The following FSIP2 variants were observed in gnomAD, a reference collection of about 807,000 sequenced individuals.
FSIP2 encodes the protein fibrous sheath-interacting protein 2.
Under a neutral mutation model 510.5 loss-of-function variants are expected in FSIP2, and 367 were observed. The ratio of observed to expected loss-of-function variants is 0.72; its 90% CI spans 0.66 to 0.78. FSIP2 has a LOEUF of 0.78. FSIP2 is among the 30% of genes least tolerant of loss of function. The pLI is 0.00. For synonymous variants in FSIP2, 2,601 were observed against 2,732.2 expected (o/e 0.95, Z 1.50); for missense variants, 7,594 against 7,901.7 (o/e 0.96, Z 1.48).
At position 185,814,045 on chromosome 2, in the gene FSIP2, A is replaced by G. The variant is rs1166497340; in HGVS notation, c.20325+3A>G. 1.2e-6 allele frequency: 2 copies of G among 1,607,796 alleles called. No individual in the cohort carries two copies. The highest frequency in any genetic ancestry group is 1.1e-5 in the South Asian group (1 of 90,258). ...GGGAGGAAAAGCCCCAGTGTAAGGT[A>G]AGTGATAAGCATGACTGTTAGTGAC... On this transcript the variant is annotated splice_donor_region_variant and intron_variant, in intron 18 of 22. Coordinates refer to ENST00000424728, the MANE Select transcript of FSIP2 (RefSeq NM_173651.4).
chr2:185,795,356 G>T lies in FSIP2; in HGVS notation c.8220G>T (p.Lys2740Asn). 6.5e-7 allele frequency: 1 copy of T among 1,534,668 alleles called. No individual in the cohort carries two copies. Among genetic ancestry groups the T allele is most frequent in the Non-Finnish European group, 8.7e-7 (1 of 1,146,096 alleles). The change falls in exon 16 of 23, where the codon AAG (lysine) becomes AAT (asparagine). Residue 2740 changes from lysine to asparagine, a missense_variant. By Grantham distance (94) the Lys-to-Asn change is moderately conservative. Coordinates refer to ENST00000424728, the MANE Select transcript of FSIP2 (RefSeq NM_173651.4). ...LPTSELKIYA[K>N]DIIINILETI... Reference sequence around the variant, plus strand: ...CTTCAGAACTAAAAATATATGCCAAGGATATAATAATTAACATCCTAGAAA... The same window carrying T: ...CTTCAGAACTAAAAATATATGCCAATGATATAATAATTAACATCCTAGAAA...
rs1164381970 is a variant in FSIP2 at position 185,738,933 on chromosome 2, A to T, written c.39A>T (p.Lys13Asn). The T allele has an allele frequency of 7.2e-6, 11 of 1,534,578 alleles. No individual in the cohort carries two copies. In the East Asian group the frequency reaches 1.7e-4, roughly 24 times the overall value. Residue 13 changes from lysine to asparagine, a missense_variant, in exon 1 of 23, where the codon AAA (lysine) becomes AAT (asparagine). Coordinates refer to ENST00000424728, the MANE Select transcript of FSIP2 (RefSeq NM_173651.4). The stretch of plus-strand genomic sequence containing the variant: ...TCGGCGCCTGCTCCAAGCCTGCCAA[A>T]GTCGCCGTCACCAAGACGGTCGCCA... ...LYLGACSKPA[K>N]VAVTKTVASV...
Position 185,795,027 on chromosome 2 carries a change from G to GACTT in FSIP2, c.7893_7896dup (p.Ile2633LeufsTer8), listed in dbSNP as rs1559029047. 1 of 1,533,834 alleles carries GACTT rather than the reference G, an allele frequency of 6.5e-7. No individual in the cohort carries two copies. The highest frequency in any genetic ancestry group is 1.4e-5 in the African/African-American group (1 of 72,918). ...ATATTTACCATTGCAAGTGAAGAAA[G>GACTT]ACTTAATTCAAATGGTTCTCAATAA... is the stretch of plus-strand genomic sequence containing the variant. On this transcript the variant is annotated frameshift_variant, in exon 16 of 23. Coordinates refer to ENST00000424728, the MANE Select transcript of FSIP2 (RefSeq NM_173651.4). LOFTEE classifies it high-confidence loss of function.
At position 185,747,420 on chromosome 2, in the gene FSIP2, G is replaced by A; in HGVS notation, c.867G>A (p.Arg289=). The A allele has an allele frequency of 1.3e-6, 2 of 1,496,828 alleles. No homozygotes were observed. Among genetic ancestry groups the A allele is most frequent in the Admixed American group, 2.0e-5 (1 of 50,868 alleles). The allele number at this position is 1,496,828 out of a possible 1,614,324, so 92.7% of individuals were successfully genotyped here. ...QQHRNREESD[R]KKQDLLEKKM... is the part of the protein sequence containing the mutation. ...ATAGAAACAGAGAAGAGAGTGACAG[G>A]AAGGTAGGGTGAGCTTTAACCTCTA... Residue 289 remains arginine, a synonymous_variant, in exon 7 of 23, where the codon AGG becomes AGA. Coordinates refer to ENST00000424728, the MANE Select transcript of FSIP2 (RefSeq NM_173651.4).
Position 185,815,426 on chromosome 2 carries a change from T to G in FSIP2, c.20381T>G (p.Met6794Arg). ...EPTHYFIHRI[M>R]SSSSYNQEDL... The stretch of plus-strand genomic sequence containing the variant: ...ACACATTACTTCATACACAGAATTA[T>G]GAGTTCATCTTCATACAACCAAGAA... Residue 6794 changes from methionine to arginine, a missense_variant, in exon 19 of 23, where the codon ATG (methionine) becomes AGG (arginine). Transcript: ENST00000424728. The G allele has an allele frequency of 3.9e-6, 6 of 1,535,358 alleles. No individual in the cohort carries two copies. Among genetic ancestry groups the G allele is most frequent in the Non-Finnish European group, 5.3e-6 (6 of 1,122,286 alleles).
chr2:185,828,217 G>C lies in FSIP2; in HGVS notation c.20517+18G>C, dbSNP rs1694048622. 7.0e-7 allele frequency: 1 copy of C among 1,425,744 alleles called. No homozygotes were observed. 88.3% of individuals were successfully genotyped at this position (1,425,744 alleles called of 1,614,324 possible). ...GTGTTAAGGTAAGTATTTTTAACTA[G>C]CCTTAGTTGATATATATTAGGAGCT... On this transcript the variant is annotated intron_variant, in intron 21 of 22. Coordinates refer to ENST00000424728, the MANE Select transcript of FSIP2 (RefSeq NM_173651.4).
Position 185,762,017 on chromosome 2 carries a change from G to C in FSIP2, c.1240G>C (p.Gly414Arg), listed in dbSNP as rs1164308191. Residue 414 changes from glycine to arginine, a missense_variant and splice_region_variant, in exon 11 of 23, where the codon GGA becomes CGA. Gly to Arg is a moderately radical substitution (Grantham distance 125). Transcript: ENST00000424728. The part of the protein sequence containing the change: ...SKNSSIFDDR[G>R]GINISGQGSI... ...AAACTCAAGTATTTTCGATGATAGAGGTAAGAAAATAAACAATAGTCATAA... is the reference window on the plus strand; with the variant it reads ...AAACTCAAGTATTTTCGATGATAGACGTAAGAAAATAAACAATAGTCATAA... The C allele has an allele frequency of 3.5e-6, 5 of 1,416,654 alleles. No homozygotes were observed. In the African/African-American group the frequency reaches 5.7e-5, roughly 16 times the overall value. The allele number at this position is 1,416,654 out of a possible 1,614,324, so 87.8% of individuals were successfully genotyped here. A position where few individuals can be genotyped will look rare whatever the true frequency, so the allele number is the denominator to read the frequency against.
Position 185,793,984 on chromosome 2 carries a change from C to A in FSIP2, c.6848C>A (p.Ser2283Ter), listed in dbSNP as rs1442089286. 2 of 1,532,114 alleles carry A rather than the reference C, an allele frequency of 1.3e-6. No individual in the cohort carries two copies. The highest frequency in any genetic ancestry group is 1.2e-5 in the South Asian group (1 of 83,486). The allele number at this position is 1,532,114 out of a possible 1,614,324, so 94.9% of individuals were successfully genotyped here. ...CTTGCTTTCCAAAGTAAAGAAAAGT[C>A]ATTTGTTATCCCAGAATTGGAAAAT... ...ITLAFQSKEK[S>*]FVIPELENCK... is the part of the protein sequence containing the mutation. The change falls in exon 16 of 23, where the codon TCA becomes TAA. Residue 2283 changes from serine (S) to a stop codon, truncating the protein, a stop_gained. Coordinates refer to ENST00000424728, the MANE Select transcript of FSIP2 (RefSeq NM_173651.4). LOFTEE classifies it high-confidence loss of function.
chr2:185,829,180 C>T (rs1694066865), intron 21 of FSIP2, among the ~76,000 whole-genome samples: 1 of 151,768 alleles, frequency 6.6e-6, no homozygotes, highest in Non-Finnish European at 1.5e-5. Context: ...ATCTGGACTC[C>T]TTCTGCTTTT....
In FSIP2 at chr2:185,803,961, G is replaced by C. The variant is rs1449766501; in HGVS notation, c.14655G>C (p.Lys4885Asn). ...NIYQSITKDK[K>N]SISDIPVSKI... ...ACCAGTCCATTACAAAAGATAAAAA[G>C]AGCATAAGTGACATACCTGTTTCAA... Residue 4885 changes from lysine (K) to asparagine (N), a missense_variant, in exon 17 of 23, where the codon AAG becomes AAC. Coordinates refer to ENST00000424728, the MANE Select transcript of FSIP2 (RefSeq NM_173651.4). 2 of 1,503,566 alleles carry C rather than the reference G, an allele frequency of 1.3e-6. No individual in the cohort carries two copies. The highest frequency in any genetic ancestry group is 1.8e-6 in the Non-Finnish European group (2 of 1,128,512). 93.1% of individuals were successfully genotyped at this position (1,503,566 alleles called of 1,614,324 possible).
At chr2:185,781,433 C>T (rs1207861027) in intron 13 of FSIP2, among the ~76,000 whole-genome samples, 1 of 152,134 alleles carries the variant, frequency 6.6e-6, no homozygotes, top group African/African-American at 2.4e-5. Flanking sequence ...ATATTTTCAG[C>T]TTATGATGGG....
At chr2:185,821,029 A>G (rs1396527152) in intron 19 of FSIP2, among the ~76,000 whole-genome samples, 13 of 144,376 alleles carry the variant, frequency 9.0e-5, no homozygotes, top group Middle Eastern at 3.5e-3. Context: ...AAAAAAAAAA[A>G]AAAAAAAAAT....
chr2:185,779,250 A>G (rs1692792047), intron 13 of FSIP2, among the ~76,000 whole-genome samples: 1 of 149,746 alleles, frequency 6.7e-6, no homozygotes, highest in African/African-American at 2.4e-5. Context: ...ATATATTTTT[A>G]TTTATTCTTT....
rs1255679963 is a variant in FSIP2 at position 185,808,351 on chromosome 2, G to C, written c.19045G>C (p.Glu6349Gln). ...TTTGACATTAGATGCCAAACTTTTA[G>C]AAGAGGTGTTGGCCTTGTTCTTGGC... The part of the protein sequence containing the change: ...KGLTLDAKLL[E>Q]EVLALFLAKL... The change falls in exon 17 of 23, where the codon GAA becomes CAA. Residue 6349 changes from glutamate to glutamine, a missense_variant. Physicochemically the swap from Glu to Gln is conservative, Grantham distance 29. Transcript: ENST00000424728. 6.2e-7 allele frequency: 1 copy of C among 1,611,140 alleles called. No homozygotes were observed. The highest frequency in any genetic ancestry group is 8.5e-7 in the Non-Finnish European group (1 of 1,179,106).
chr2:185,767,542 G>A (rs1164743365), intron 13 of FSIP2, among the ~76,000 whole-genome samples: 3 of 151,824 alleles, frequency 2.0e-5, no homozygotes, highest in African/African-American at 2.4e-5. Flanking sequence ...GCCGTTTTTA[G>A]TCTTTCTGCA....
In FSIP2 at chr2:185,813,772, T is replaced by C; in HGVS notation, c.20055T>C (p.Asp6685=). The change falls in exon 18 of 23, where the codon GAT becomes GAC. Residue 6685 remains aspartate, a synonymous_variant. Coordinates refer to ENST00000424728, the MANE Select transcript of FSIP2 (RefSeq NM_173651.4). ...AAGAAGGCATCAAAGTATTTGAAGA[T>C]CAAGTGAAAGAAGTCAAGAAGCCAA... ...AKEEGIKVFE[D]QVKEVKKPIQ... is the part of the protein sequence containing the mutation. 1 of 1,613,326 alleles carries C rather than the reference T, an allele frequency of 6.2e-7. No individual in the cohort carries two copies. The highest frequency in any genetic ancestry group is 8.5e-7 in the Non-Finnish European group (1 of 1,179,712).
In FSIP2 at chr2:185,807,489, A is replaced by G. The variant is rs1312053156; in HGVS notation, c.18183A>G (p.Gln6061=). Residue 6061 remains glutamine, a synonymous_variant, in exon 17 of 23, where the codon CAA becomes CAG. Transcript: ENST00000424728. ...LVSAVATEIS[Q]DKYMTIQYVE... is the part of the protein sequence containing the mutation. ...GTGCAGTTGCAACAGAGATCTCCCA[A>G]GATAAATATATGACTATACAGTATG... The G allele has an allele frequency of 1.2e-6, 2 of 1,612,268 alleles. No homozygotes were observed. The highest frequency in any genetic ancestry group is 1.7e-6 in the Non-Finnish European group (2 of 1,179,004).
At chr2:185,788,574 T>C in intron 15 of FSIP2, 69 bp from the exon 16 acceptor site, 1 of 1,094,196 alleles carries the variant, frequency 9.1e-7, no homozygotes, top group Non-Finnish European at 1.3e-6. Flanking sequence ...AAATGTTACC[T>C]TCTGTCTCCA....
rs1426794661 is a variant in FSIP2 at position 185,803,667 on chromosome 2, T to A, written c.14361T>A (p.Thr4787=). ...FQRQASTMYT[T]MLSHSHLEKI... The stretch of plus-strand genomic sequence containing the variant: ...GACAAGCTTCAACAATGTATACCAC[T>A]ATGTTATCACATAGTCATTTGGAAA... Residue 4787 remains threonine (T), a synonymous_variant, in exon 17 of 23, where the codon ACT becomes ACA. Coordinates refer to ENST00000424728, the MANE Select transcript of FSIP2 (RefSeq NM_173651.4). 3.3e-6 allele frequency: 5 copies of A among 1,530,822 alleles called. No individual in the cohort carries two copies. The South Asian group carries it at 6.0e-5, about 18-fold the overall frequency. 94.8% of individuals were successfully genotyped at this position (1,530,822 alleles called of 1,614,324 possible). A position where few individuals can be genotyped will look rare whatever the true frequency, so the allele number is the denominator to read the frequency against.
Sources: allele counts gnomAD v4.1 joint callset (sites outside exome capture counted in the v4.1 genomes callset), GRCh38; gene constraint gnomAD v4.1.1; transcripts MANE v1.5; gene names NCBI Gene and HGNC (gene_info 2026-07-23, HGNC 2026-07-21).